PDCD1LG2: variants seen among roughly 807,000 people sequenced by gnomAD.
The protein encoded by PDCD1LG2 is B7 dendritic cell molecule.
Under a neutral mutation model 28.2 loss-of-function variants are expected in PDCD1LG2, and 32 were observed. The observed-to-expected ratio is 1.13, with a 90% CI of 0.86 to 1.52. PDCD1LG2 has a LOEUF of 1.52. PDCD1LG2 is among the 40% of genes most tolerant of loss of function. PDCD1LG2 has a pLI of 0.00. For missense variants in PDCD1LG2, 385 were observed against 323.8 expected, an observed-to-expected ratio of 1.19 and a Z score of -1.45; for synonymous variants, 116 against 120.2, an observed-to-expected ratio of 0.97 and a Z score of 0.23.
At chr9:5,529,045 T>G (rs1375053766) in intron 2 of PDCD1LG2, among the ~76,000 whole-genome samples, 1 of 152,242 alleles carries the variant, frequency 6.6e-6, no homozygotes, top group Non-Finnish European at 1.5e-5. Flanking sequence ...TTCTTTATTC[T>G]AGATACAAGT....
At chr9:5,530,497 A>G (rs1820461525) in intron 2 of PDCD1LG2, among the ~76,000 whole-genome samples, 1 of 151,780 alleles carries the variant, frequency 6.6e-6, no homozygotes, top group African/African-American at 2.4e-5. Context: ...AAACTCACTC[A>G]TGGATGTAGT....
intron 5 of PDCD1LG2, among the ~76,000 whole-genome samples, 165 bp downstream of exon 5, chr9:5,557,917 G>A (rs1003067805): frequency 1.3e-5 from 2 of 152,196 alleles, no homozygotes; most frequent in African/African-American, 4.8e-5. Flanking sequence ...AGAAGAAAAT[G>A]GCTCTCATCG....
chr9:5,549,166 T>C (rs760966886), intron 3 of PDCD1LG2, among the ~76,000 whole-genome samples, 169 bp from the exon 4 acceptor site: 4 of 152,210 alleles, frequency 2.6e-5, no homozygotes, highest in Non-Finnish European at 4.4e-5. Context: ...TAATTCAATA[T>C]ATGTGGAAAA....
At chr9:5,566,314 A>G (rs567162003) in intron 6 of PDCD1LG2, among the ~76,000 whole-genome samples, 1 of 152,346 alleles carries the variant, frequency 6.6e-6, no homozygotes, top group East Asian at 1.9e-4. Flanking sequence ...CTGACTTGTG[A>G]AAATGCCTAA....
intron 3 of PDCD1LG2, among the ~76,000 whole-genome samples, chr9:5,548,631 A>G (rs556789094): frequency 6.6e-6 from 1 of 152,294 alleles, no homozygotes; most frequent in Non-Finnish European, 1.5e-5. Context: ...AGGGAGCCAT[A>G]TCTGTTTAAT....
intron 3 of PDCD1LG2, among the ~76,000 whole-genome samples, chr9:5,544,916 A>G (rs924167945): frequency 6.6e-6 from 1 of 152,238 alleles, no homozygotes; most frequent in Non-Finnish European, 1.5e-5. Flanking sequence ...TAGAATATAG[A>G]TTGTGTTACA....
chr9:5,521,647 A>G (rs952410537), intron 1 of PDCD1LG2, among the ~76,000 whole-genome samples: 2 of 152,000 alleles, frequency 1.3e-5, no homozygotes, highest in Non-Finnish European at 2.9e-5. Context: ...TCTCTTAATG[A>G]TGTAAATGAG....
chr9:5,571,086 C>T lies in PDCD1LG2; in HGVS notation c.*1127C>T, dbSNP rs1294421956. On this transcript the variant is annotated 3_prime_UTR_variant, in exon 7 of 7. Transcript: ENST00000397747. ...TGGGCACATTAGCTAGTATAACAGA[C>T]TTACATAGGTGGGCCTAAAGCAAGC... The T allele has an allele frequency of 8.6e-6, 2 of 232,442 alleles. No homozygotes were observed. The highest frequency in any genetic ancestry group is 1.7e-5 in the Non-Finnish European group (2 of 117,604). The allele number at this position is 232,442 out of a possible 1,614,324, so 14.4% of individuals were successfully genotyped here. A position where few individuals can be genotyped will look rare whatever the true frequency, so the allele number is the denominator to read the frequency against.
At chr9:5,553,795 C>A (rs1816383752) in intron 4 of PDCD1LG2, among the ~76,000 whole-genome samples, 1 of 152,150 alleles carries the variant, frequency 6.6e-6, no homozygotes, top group African/African-American at 2.4e-5. Context: ...ATGGAGAAAT[C>A]TTTGTGCAGC....
intron 3 of PDCD1LG2, among the ~76,000 whole-genome samples, chr9:5,538,111 G>T (rs1234511444): frequency 1.3e-5 from 2 of 152,016 alleles, no homozygotes; most frequent in Non-Finnish European, 2.9e-5. Flanking sequence ...AGACAGAGAA[G>T]AATTTTTTCA....
At position 5,549,605 on chromosome 9, in the gene PDCD1LG2, G is replaced by A; in HGVS notation, c.631+1G>A. 6.2e-6 allele frequency: 10 copies of A among 1,614,118 alleles called. No individual in the cohort carries two copies. Among genetic ancestry groups the A allele is most frequent in the Non-Finnish European group, 8.5e-6 (10 of 1,179,940 alleles). On this transcript the variant is annotated splice_donor_variant, in intron 4 of 6. Coordinates refer to ENST00000397747, the MANE Select transcript of PDCD1LG2 (RefSeq NM_025239.4). LOFTEE classifies it high-confidence loss of function. ...ACTTTGGCCAGCATTGACCTTCAAA[G>A]TAAGAGCTGCCCCCACTTCCTAGGT...
Position 5,549,561 on chromosome 9 carries a change from T to A in PDCD1LG2, c.588T>A (p.Asn196Lys), listed in dbSNP as rs2129878117. The A allele has an allele frequency of 6.2e-7, 1 of 1,614,194 alleles. No homozygotes were observed. Among genetic ancestry groups the A allele is most frequent in the Admixed American group, 1.7e-5 (1 of 60,014 alleles). ...GAAACTTCAGCTGTGTGTTCTGGAATACTCACGTGAGGGAACTTACTTTGG... is the reference window on the plus strand; with the variant it reads ...GAAACTTCAGCTGTGTGTTCTGGAAAACTCACGTGAGGGAACTTACTTTGG... ...PGRNFSCVFW[N>K]THVRELTLAS... is the part of the protein sequence containing the mutation. The change falls in exon 4 of 7, where the codon AAT (asparagine) becomes AAA (lysine). Residue 196 changes from asparagine to lysine, a missense_variant. Coordinates refer to ENST00000397747, the MANE Select transcript of PDCD1LG2 (RefSeq NM_025239.4).
At chr9:5,532,716 A>G (rs1820506064) in intron 2 of PDCD1LG2, among the ~76,000 whole-genome samples, 1 of 152,212 alleles carries the variant, frequency 6.6e-6, no homozygotes, top group Admixed American at 6.5e-5. Context: ...CAGAGAATGG[A>G]CTGTCCTGGT....
chr9:5,518,436 C>G (rs1820209086), intron 1 of PDCD1LG2, among the ~76,000 whole-genome samples: 1 of 152,228 alleles, frequency 6.6e-6, no homozygotes, highest in African/African-American at 2.4e-5. Context: ...GTTGCTAGAG[C>G]TATGTTACAT....
chr9:5,523,951 C>T (rs559309459), intron 2 of PDCD1LG2, among the ~76,000 whole-genome samples: 2 of 152,278 alleles, frequency 1.3e-5, no homozygotes, highest in East Asian at 1.9e-4. Flanking sequence ...CTCATTGGCT[C>T]TTTCTACAGA....
intron 1 of PDCD1LG2, among the ~76,000 whole-genome samples, chr9:5,516,287 G>C (rs1449202425): frequency 6.6e-6 from 1 of 152,174 alleles, no homozygotes; most frequent in African/African-American, 2.4e-5. Context: ...TCCTGACCTC[G>C]TGATTTTCCT....
At chr9:5,531,742 G>C (rs1036724414) in intron 2 of PDCD1LG2, among the ~76,000 whole-genome samples, 3 of 152,156 alleles carry the variant, frequency 2.0e-5, no homozygotes, top group African/African-American at 7.2e-5. Context: ...TCTACCCAAA[G>C]TCATCTATTT....
intron 3 of PDCD1LG2, among the ~76,000 whole-genome samples, chr9:5,542,073 A>C (rs1381923835): frequency 6.6e-6 from 1 of 152,138 alleles, no homozygotes; most frequent in Non-Finnish European, 1.5e-5. Context: ...ACAAAAACAT[A>C]AAGTGGGGAA....
At chr9:5,528,333 A>T (rs570017817) in intron 2 of PDCD1LG2, among the ~76,000 whole-genome samples, 31 of 150,632 alleles carry the variant, frequency 2.1e-4, no homozygotes, top group African/African-American at 6.6e-4. Flanking sequence ...ACAGGGTATC[A>T]CTCTGTTGCC....
Sources: gnomAD v4.1 joint callset for allele counts (sites outside exome capture counted in the v4.1 genomes callset) on GRCh38, gnomAD v4.1.1 for gene constraint, MANE v1.5 for transcripts, NCBI Gene and HGNC (gene_info 2026-07-23, HGNC 2026-07-21) for gene names.